Variants in SYNE4 observed in about 807,000 individuals in gnomAD.
SYNE4 encodes the protein spectrin repeat containing nuclear envelope family member 4.
SYNE4 carries 41 observed loss-of-function variants against 46.9 expected under a neutral mutation model. The ratio of observed to expected loss-of-function variants is 0.87; its 90% CI spans 0.68 to 1.13. The LOEUF (loss-of-function observed/expected upper bound fraction) is 1.13, where lower values mean the gene tolerates loss of function less well. Ranked by LOEUF, SYNE4 falls within the 50% of genes most tolerant of loss-of-function variation. The pLI is 0.00. For synonymous variants in SYNE4, 221 were observed against 219.5 expected (o/e 1.01, Z -0.06); for missense variants, 492 against 514.8 (o/e 0.96, Z 0.43).
At chr19:36,005,585 C>T (rs1304113134) in intron 5 of SYNE4, 148 bp from the exon 6 acceptor site, 21 of 661,402 alleles carry the variant, frequency 3.2e-5, no homozygotes, top group Non-Finnish European at 1.0e-5. Context: ...ATTATTTATT[C>T]ATTCATTCAA....
At chr19:36,004,863 T>A (rs1293592314) in intron 6 of SYNE4, among the ~76,000 whole-genome samples, 2 of 139,546 alleles carry the variant, frequency 1.4e-5, no homozygotes, top group Non-Finnish European at 3.0e-5. Flanking sequence ...TATTTCTTTC[T>A]TTCTTTTTTT....
intron 6 of SYNE4, among the ~76,000 whole-genome samples, chr19:36,005,093 C>T (rs959098272): frequency 1.3e-4 from 19 of 151,948 alleles, no homozygotes. Context: ...GTCTCGTACT[C>T]CTGACCTCAG....
At chr19:36,004,869 T>TTC in intron 6 of SYNE4, among the ~76,000 whole-genome samples, 3 of 119,830 alleles carry the variant, frequency 2.5e-5, no homozygotes. Flanking sequence ...TTTCTTTCTT[T>TTC]TTTTTTTTTT....
At chr19:36,006,968 C>T (rs1968375166) in intron 3 of SYNE4, 24 bp from the exon 4 acceptor site, 1 of 1,537,198 alleles carries the variant, frequency 6.5e-7, no homozygotes, top group Non-Finnish European at 8.8e-7. Context: ...GACATCACCC[C>T]ACGCACACAC....
At chr19:36,006,699 G>A in intron 4 of SYNE4, 28 bp from the exon 5 acceptor site, 1 of 1,590,684 alleles carries the variant, frequency 6.3e-7, no homozygotes, top group Non-Finnish European at 8.6e-7. Context: ...GGTCATGGAG[G>A]CTATGAGGTT....
intron 6 of SYNE4, among the ~76,000 whole-genome samples, chr19:36,004,343 C>T (rs1164034903): frequency 3.9e-5 from 6 of 152,164 alleles, no homozygotes; most frequent in Non-Finnish European, 5.9e-5. Context: ...CTTTGTGTCA[C>T]CTTTACCCTA....
At chr19:36,005,076 C>T (rs1159685317) in intron 6 of SYNE4, among the ~76,000 whole-genome samples, 1 of 151,812 alleles carries the variant, frequency 6.6e-6, no homozygotes, top group African/African-American at 2.4e-5. Context: ...CCATTTTGGC[C>T]AGGCTGGTCT....
At position 36,003,427 on chromosome 19, in the gene SYNE4, G is replaced by T; in HGVS notation, c.1125C>A (p.Pro375=). 1 of 1,613,738 alleles carries T rather than the reference G, an allele frequency of 6.2e-7. No homozygotes were observed. Among genetic ancestry groups the T allele is most frequent in the Non-Finnish European group, 8.5e-7 (1 of 1,179,840 alleles). Residue 375 remains proline, a synonymous_variant, in exon 8 of 8, where the codon CCC becomes CCA. Transcript: ENST00000324444. ...GAGAGCAGCAGGGGCCTCCTGACGC[G>T]GGCAGGAGAAACATGGCACCCACCA... ...LLLVGAMFLL[P]ASGGPCCSHA...
At position 36,003,348 on chromosome 19, in the gene SYNE4, G is replaced by A; in HGVS notation, c.1204C>T (p.Pro402Ser). Residue 402 changes from proline (P) to serine (S), a missense_variant, in exon 8 of 8, where the codon CCC becomes TCC. Pro to Ser is a moderately conservative substitution (Grantham distance 74). Transcript: ENST00000324444. ...YLVLSYVNGL[P>S]PV Reference sequence around the variant, plus strand: ...ATTTATTACACACATCAGACTGGGGGAAGACCATTGACATAGCTGAGCACC... The same window carrying A: ...ATTTATTACACACATCAGACTGGGGAAAGACCATTGACATAGCTGAGCACC... 1 of 1,614,086 alleles carries A rather than the reference G, an allele frequency of 6.2e-7. No individual in the cohort carries two copies. The highest frequency in any genetic ancestry group is 8.5e-7 in the Non-Finnish European group (1 of 1,180,010).
intron 6 of SYNE4, 132 bp from the exon 7 acceptor site, chr19:36,003,803 T>C (rs1211697516): frequency 4.5e-6 from 6 of 1,345,528 alleles, no homozygotes; most frequent in African/African-American, 1.4e-5. Flanking sequence ...CACTGCAACC[T>C]CAGCCTCCCG....
At chr19:36,005,812 C>T (rs1008426780) in intron 5 of SYNE4, 6 of 180,198 alleles carry the variant, frequency 3.3e-5, no homozygotes, top group African/African-American at 9.4e-5. Context: ...TGAGGTCAGG[C>T]GTTCGAGACT....
intron 3 of SYNE4, 85 bp downstream of exon 3, chr19:36,007,040 G>A: frequency 1.3e-6 from 2 of 1,550,516 alleles, no homozygotes; most frequent in South Asian, 2.4e-5. Flanking sequence ...CCTGGAACAT[G>A]CACTCAACCC....
intron 6 of SYNE4, 176 bp from the exon 7 acceptor site, chr19:36,003,847 G>A: frequency 7.8e-6 from 3 of 383,106 alleles, no homozygotes; most frequent in Non-Finnish European, 1.1e-5. Flanking sequence ...AGCCTCCCGA[G>A]CAGCTGGGAC....
intron 2 of SYNE4, among the ~76,000 whole-genome samples, chr19:36,007,930 C>T (rs1291936424): frequency 6.6e-6 from 1 of 151,778 alleles, no homozygotes; most frequent in East Asian, 1.9e-4. Context: ...GTGGCTGAGG[C>T]AGGAGAATCA....
At chr19:36,007,519 G>A (rs1968404818) in intron 2 of SYNE4, 1 of 985,358 alleles carries the variant, frequency 1.0e-6, no homozygotes. Context: ...GGCCTGGGGG[G>A]TCTGGACAGG....
chr19:36,004,740 G>A (rs983726953), intron 6 of SYNE4, among the ~76,000 whole-genome samples: 4 of 152,142 alleles, frequency 2.6e-5, no homozygotes, highest in Non-Finnish European at 5.9e-5. Context: ...CTTCCCCTGG[G>A]GTGGGTAAAC....
rs749255839 is a variant in SYNE4 at position 36,007,191 on chromosome 19, C to T, written c.357G>A (p.Arg119=). The change falls in exon 3 of 8, where the codon CGG becomes CGA. Residue 119 remains arginine (R), a synonymous_variant. Transcript: ENST00000324444. ...LHLCLLGLGR[R]LQDLEQGLGH... is the part of the protein sequence containing the mutation. ...CCAGGCCTTGCTCCAGGTCCTGCAG[C>T]CGGCGGCCCAGCCCCAGCAGGCACA... 9 of 1,585,106 alleles carry T rather than the reference C, an allele frequency of 5.7e-6. No individual in the cohort carries two copies. The highest frequency in any genetic ancestry group is 7.7e-6 in the Non-Finnish European group (9 of 1,166,132).
intron 6 of SYNE4, 169 bp from the exon 7 acceptor site, chr19:36,003,840 C>T (rs1247214765): frequency 3.1e-5 from 14 of 452,638 alleles, no homozygotes; most frequent in Non-Finnish European, 4.1e-5. Flanking sequence ...CTGCCTCAGC[C>T]TCCCGAGCAG....
At chr19:36,005,512 G>GGGGA in intron 5 of SYNE4, 75 bp from the exon 6 acceptor site, 1 of 1,377,036 alleles carries the variant, frequency 7.3e-7, no homozygotes, top group Admixed American at 1.9e-5. Context: ...TGAGATTCTG[G>GGGGA]GGGAGCAGAG....
Sources: gnomAD v4.1 joint callset for allele counts (sites outside exome capture counted in the v4.1 genomes callset) on GRCh38, gnomAD v4.1.1 for gene constraint, MANE v1.5 for transcripts, NCBI Gene and HGNC (gene_info 2026-07-23, HGNC 2026-07-21) for gene names.